CIT: variants seen among roughly 807,000 people sequenced by gnomAD.
CIT encodes the protein citron rho-interacting serine/threonine kinase.
A neutral mutation model predicts 272.7 loss-of-function variants in CIT; 79 were observed. The observed-to-expected ratio is 0.29, with a 90% CI of 0.24 to 0.35. CIT has a LOEUF of 0.35. Ranked by LOEUF, CIT falls within the 10% of genes least tolerant of loss-of-function variation. The pLI, the probability that CIT is intolerant of heterozygous loss-of-function variation, is 1.00. For synonymous variants in CIT, 948 were observed against 995.6 expected, an observed-to-expected ratio of 0.95 and a Z score of 0.90; for missense variants, 1,909 against 2,618.3, an observed-to-expected ratio of 0.73 and a Z score of 5.91.
rs145773508 is a variant in CIT, at chr12:119,743,179, G to A, written c.2905-715C>T. 2.5e-3 allele frequency among the ~76,000 whole-genome samples: 381 copies of A among 152,062 alleles called. 1 individual carries two copies. The highest frequency in any genetic ancestry group is 8.5e-3 in the African/African-American group (354 of 41,454). On this transcript the variant is annotated intron_variant, in intron 23 of 47. Coordinates refer to ENST00000392521, the MANE Select transcript of CIT (RefSeq NM_001206999.2). ...CGGAAGATCGGAAATGAATAAGTGC[G>A]TGATTAGAGATTGGGACAAATGTTA...
In CIT at chr12:119,775,902, T is replaced by C; in HGVS notation, c.1888-63A>G. On this transcript the variant is annotated intron_variant, in intron 15 of 47. Transcript: ENST00000392521. ...ATCAGCATTAACATCTTGCTACATT[T>C]ATTGCAGTCCTATTCTCTTGAGGTT... 3 of 1,326,342 alleles carry C rather than the reference T, an allele frequency of 2.3e-6. No individual in the cohort carries two copies. In the East Asian group the frequency reaches 6.9e-5, roughly 30 times the overall value. 82.2% of individuals were successfully genotyped at this position (1,326,342 alleles called of 1,614,324 possible).
At chr12:119,873,424 C>T (rs556028368) in intron 2 of CIT, among the ~76,000 whole-genome samples, 29 of 152,022 alleles carry the variant, frequency 1.9e-4, no homozygotes, top group African/African-American at 5.8e-4. Flanking sequence ...ACTACAGGCA[C>T]ACACCATCAC....
At chr12:119,849,311 C>T (rs1210011033) in intron 5 of CIT, among the ~76,000 whole-genome samples, 1 of 151,960 alleles carries the variant, frequency 6.6e-6, no homozygotes, top group Non-Finnish European at 1.5e-5. Context: ...CCTGTAATCC[C>T]AGCTACTAGG....
rs1966358345 is a variant in CIT, at chr12:119,803,239, T to A, written c.1262A>T (p.Tyr421Phe). The change falls in exon 10 of 48, where the codon TAC (tyrosine) becomes TTC (phenylalanine). Residue 421 changes from tyrosine (Y) to phenylalanine (F), a missense_variant. Tyr to Phe is a conservative substitution (Grantham distance 22). This residue lies in a region of CIT where 529 missense variants were observed against 549.6 expected (regional missense o/e 0.96). Transcript: ENST00000392521. ...GEELPFVGFS[Y>F]SKALGILGRS... ...ACCAAGAATCCCCAGTGCCTTGCTG[T>A]ACGAAAACCCCACAAACGGCAGTTC... 2 of 1,595,608 alleles carry A rather than the reference T, an allele frequency of 1.3e-6. No individual in the cohort carries two copies. The highest frequency in any genetic ancestry group is 1.7e-6 in the Non-Finnish European group (2 of 1,173,076).
At chr12:119,833,634 CAGCCT>C (rs1968794350) in intron 6 of CIT, among the ~76,000 whole-genome samples, 1 of 143,074 alleles carries the variant, frequency 7.0e-6, no homozygotes, top group South Asian at 2.2e-4. Flanking sequence ...CACTGCACTC[CAGCCT>C]GGCAACAGAG....
chr12:119,752,384 G>T, intron 22 of CIT, 137 bp from the exon 23 acceptor site: 1 of 761,638 alleles, frequency 1.3e-6, no homozygotes, highest in Non-Finnish European at 2.0e-6. Context: ...CTCGATAGAG[G>T]AGAGGAAAAT....
In CIT at chr12:119,708,289, C is replaced by T. The variant is rs1255048790; in HGVS notation, c.5101G>A (p.Val1701Met). ...GEERALCLVD[V>M]KKVKQSLAQS... ...GCCAGGGACTGTTTCACTTTCTTCA[C>T]GTCCACAAGACACAGTGCCCGCTCT... The change falls in exon 40 of 48, where the codon GTG becomes ATG. Residue 1701 changes from valine (V) to methionine (M), a missense_variant. By Grantham distance (21) the Val-to-Met change is conservative (BLOSUM62 1). Transcript: ENST00000392521. The T allele has an allele frequency of 8.7e-6, 14 of 1,603,928 alleles. No homozygotes were observed. The highest frequency in any genetic ancestry group is 1.6e-4 in the Middle Eastern group (1 of 6,070).
Position 119,776,371 on chromosome 12 carries a change from G to T in CIT, c.1874C>A (p.Ala625Glu), listed in dbSNP as rs750621299. ...TGGAAAGTATACCTTCTCCAGTTTC[G>T]CATATTCTCCCACTTCAGGCTTCCC... ...DQGKPEVGEY[A>E]KLEKINAEQQ... The change falls in exon 15 of 48, where the codon GCG becomes GAG. Residue 625 changes from alanine (A) to glutamate (E), a missense_variant. This residue lies in a region of CIT where 530 missense variants were observed against 822.4 expected (regional missense o/e 0.64). Coordinates refer to ENST00000392521, the MANE Select transcript of CIT (RefSeq NM_001206999.2). 2.5e-5 allele frequency: 40 copies of T among 1,612,802 alleles called. No homozygotes were observed. Among genetic ancestry groups the T allele is most frequent in the Non-Finnish European group, 3.2e-5 (38 of 1,179,204 alleles).
At position 119,708,188 on chromosome 12, in the gene CIT, C is replaced by A; in HGVS notation, c.5202G>T (p.Gly1734=). ...FEAVKGCHLF[G]AGKIENGLCI... The stretch of plus-strand genomic sequence containing the variant: ...TCTGAGGGGAGCTTACCTTGCCTGC[C>A]CCAAACAAGTGGCAGCCCTTGACAG... The change falls in exon 40 of 48, where the codon GGG becomes GGT. Residue 1734 remains glycine, a synonymous_variant. Transcript: ENST00000392521. 6.3e-7 allele frequency: 1 copy of A among 1,582,300 alleles called. No individual in the cohort carries two copies. The highest frequency in any genetic ancestry group is 8.6e-7 in the Non-Finnish European group (1 of 1,164,278).
At chr12:119,869,238 T>G (rs368371829) in intron 2 of CIT, 37 bp from the exon 3 acceptor site, 2 of 1,571,020 alleles carry the variant, frequency 1.3e-6, no homozygotes, top group African/African-American at 2.8e-5. Flanking sequence ...ACACTGTCAA[T>G]AATGAAAAGC....
intron 10 of CIT, among the ~76,000 whole-genome samples, chr12:119,789,595 T>C (rs370557605): frequency 1.3e-5 from 2 of 152,254 alleles, no homozygotes; most frequent in East Asian, 1.9e-4. Context: ...ATCTCTAGCA[T>C]CAATGGTAAG....
intron 32 of CIT, among the ~76,000 whole-genome samples, chr12:119,715,203 A>C (rs937931908): frequency 6.6e-6 from 1 of 152,218 alleles, no homozygotes; most frequent in Non-Finnish European, 1.5e-5. Context: ...CCCCAGCCAC[A>C]TGGAACTGTG....
At chr12:119,714,679 A>G (rs1458039522) in intron 32 of CIT, among the ~76,000 whole-genome samples, 4 of 152,218 alleles carry the variant, frequency 2.6e-5, no homozygotes, top group African/African-American at 9.6e-5. Flanking sequence ...AAAAAGGAAG[A>G]TAAGTGTTGA....
rs146454606 is a variant in CIT at position 119,686,734 on chromosome 12, G to A, written c.*1498C>T. 7.6e-3 allele frequency: 1,158 copies of A among 152,630 alleles called. 8 individuals carry two copies. The highest frequency in any genetic ancestry group is 0.012 in the Non-Finnish European group (838 of 68,050). The allele number at this position is 152,630 out of a possible 1,614,324, so 9.5% of individuals were successfully genotyped here. A position where few individuals can be genotyped will look rare whatever the true frequency, so the allele number is the denominator to read the frequency against. On this transcript the variant is annotated 3_prime_UTR_variant, in exon 48 of 48. Coordinates refer to ENST00000392521, the MANE Select transcript of CIT (RefSeq NM_001206999.2). ...AGATTAAAGGCAGAAATAAGGCCGCGAGTTAGCTTGCCAACTGCAAAGCCT... is the reference window on the plus strand; with the variant it reads ...AGATTAAAGGCAGAAATAAGGCCGCAAGTTAGCTTGCCAACTGCAAAGCCT...
rs183115208 is a variant in CIT at position 119,775,254 on chromosome 12, C to G, written c.1941+532G>C. ...CACCACTGCACTCCAGCCTGGACAA[C>G]AGAGCAAGACTCCATCTCAAAAAAA... On this transcript the variant is annotated intron_variant, in intron 16 of 47. Coordinates refer to ENST00000392521, the MANE Select transcript of CIT (RefSeq NM_001206999.2). 5.2e-4 allele frequency among the ~76,000 whole-genome samples: 79 copies of G among 152,274 alleles called. No homozygotes were observed. The East Asian group carries it at 0.014, about 28-fold the overall frequency.
intron 10 of CIT, among the ~76,000 whole-genome samples, chr12:119,796,056 T>C (rs923941397): frequency 6.6e-6 from 1 of 152,248 alleles, no homozygotes; most frequent in Non-Finnish European, 1.5e-5. Flanking sequence ...CTGTCCTTAA[T>C]GAGCCTTGAA....
At chr12:119,846,086 T>A (rs1969787261) in intron 5 of CIT, among the ~76,000 whole-genome samples, 1 of 152,118 alleles carries the variant, frequency 6.6e-6, no homozygotes, top group African/African-American at 2.4e-5. Context: ...AGTACCCTCC[T>A]GAAGATGTGA....
At chr12:119,863,721 G>A (rs1159835306) in intron 3 of CIT, among the ~76,000 whole-genome samples, 2 of 151,564 alleles carry the variant, frequency 1.3e-5, no homozygotes, top group African/African-American at 4.8e-5. Context: ...TAGAGACGGG[G>A]GGGTTTCACC....
Position 119,697,551 on chromosome 12 carries a change from A to C in CIT, c.5882+108T>G, listed in dbSNP as rs551028219. On this transcript the variant is annotated intron_variant, in intron 46 of 47. Transcript: ENST00000392521. This position sits in a 1 kb window ranked among gnomAD's most constrained non-coding sequence, Gnocchi z 4.9. ...CAAACAAATGAATGGTTTGAGCTTAAGAACAAAGTGAAGATTGGGAAACAT... is the reference window on the plus strand; with the variant it reads ...CAAACAAATGAATGGTTTGAGCTTACGAACAAAGTGAAGATTGGGAAACAT... 2.5e-6 allele frequency: 3 copies of C among 1,184,562 alleles called. No homozygotes were observed. Among genetic ancestry groups the C allele is most frequent in the African/African-American group, 1.5e-5 (1 of 65,634 alleles). The allele number at this position is 1,184,562 out of a possible 1,614,324, so 73.4% of individuals were successfully genotyped here.
Sources: gnomAD v4.1 joint callset for allele counts (sites outside exome capture counted in the v4.1 genomes callset) on GRCh38, gnomAD v4.1.1 for gene constraint, gnomAD v4.1.1 regional missense constraint, Gnocchi (gnomAD v3.1) non-coding constraint, MANE v1.5 for transcripts, NCBI Gene and HGNC (gene_info 2026-07-23, HGNC 2026-07-21) for gene names.